The following CADPS variants were observed in gnomAD, a reference collection of about 807,000 sequenced individuals.
CADPS encodes the protein calcium-dependent secretion activator 1.
CADPS carries 57 observed loss-of-function variants against 167.3 expected under a neutral mutation model. That is an observed-to-expected ratio of 0.34 (90% confidence interval 0.28 to 0.42). The LOEUF is 0.42. Ranked by LOEUF, CADPS falls within the 20% of genes least tolerant of loss-of-function variation. CADPS has a pLI of 1.00. For synonymous variants in CADPS, 676 were observed against 635.3 expected (o/e 1.06, Z -0.96); for missense variants, 1,414 against 1,738.1 (o/e 0.81, Z 3.32).
At chr3:62,819,671 C>G (rs1436311764) in intron 1 of CADPS, among the ~76,000 whole-genome samples, 1 of 152,056 alleles carries the variant, frequency 6.6e-6, no homozygotes, top group Non-Finnish European at 1.5e-5. Context: ...GACTATGTAA[C>G]TAAGGTCAGT....
At chr3:62,772,160 A>G (rs1487637610) in intron 1 of CADPS, among the ~76,000 whole-genome samples, 1 of 152,164 alleles carries the variant, frequency 6.6e-6, no homozygotes, top group Non-Finnish European at 1.5e-5. Flanking sequence ...AAAACAATAC[A>G]GGAAGTATTA....
Position 62,518,215 on chromosome 3 carries a change from T to C in CADPS, c.2327A>G (p.Lys776Arg), listed in dbSNP as rs770603309. The C allele has an allele frequency of 1.2e-6, 2 of 1,612,836 alleles. No homozygotes were observed. The highest frequency in any genetic ancestry group is 1.7e-6 in the Non-Finnish European group (2 of 1,179,462). ...CTCTTTGATTTCTTCAAAACGTTCCTTTTCTTCAACAGTCACAGTTCCAAT... is the reference window on the plus strand; with the variant it reads ...CTCTTTGATTTCTTCAAAACGTTCCCTTTCTTCAACAGTCACAGTTCCAAT... ...DGIGTVTVEE[K>R]ERFEEIKERL... Residue 776 changes from lysine (K) to arginine (R), a missense_variant, in exon 14 of 30, where the codon AAG becomes AGG. Coordinates refer to ENST00000383710, the MANE Select transcript of CADPS (RefSeq NM_003716.4).
chr3:62,474,170 T>TTTTTTTTTTTTTTTTTA lies in CADPS; in HGVS notation c.3477+2_3477+3insTAAAAAAAAAAAAAAAA. Reference sequence around the variant, plus strand: ...AAATCTGTATTTTTTTTTTTTTTTTTACCTCTTGGCCCATTTCCATGCTGC... The same window carrying TTTTTTTTTTTTTTTTTA: ...AAATCTGTATTTTTTTTTTTTTTTTTTTTTTTTTTTTTTTTTAACCTCTTGGCCCATTTCCATGCTGC... On this transcript the variant is annotated splice_region_variant and intron_variant, in intron 24 of 29. Transcript: ENST00000383710. The TTTTTTTTTTTTTTTTTA allele has an allele frequency of 3.0e-5, 44 of 1,475,340 alleles. No homozygotes were observed. The highest frequency in any genetic ancestry group is 3.5e-5 in the Non-Finnish European group (39 of 1,105,838). The allele number at this position is 1,475,340 out of a possible 1,614,324, so 91.4% of individuals were successfully genotyped here.
intron 17 of CADPS, among the ~76,000 whole-genome samples, chr3:62,504,168 T>G (rs979098755): frequency 5.9e-5 from 9 of 152,124 alleles, no homozygotes; most frequent in African/African-American, 1.9e-4. Context: ...ACAAAAAAAT[T>G]AACAGTTTCC....
In CADPS at chr3:62,601,769, G is replaced by C. The variant is rs561043344; in HGVS notation, c.1326-9021C>G. ...CAGATGATTCATATTTAGGGGGATG[G>C]GGATGACTTTTAAAGTCACAGCACA... On this transcript the variant is annotated intron_variant, in intron 6 of 29. Transcript: ENST00000383710. The surrounding 1 kb of genome is among the most constrained non-coding windows in gnomAD (Gnocchi z 4.3). Among the ~76,000 whole-genome samples the C allele has an allele frequency of 1.3e-5, 2 of 152,228 alleles. No homozygotes were observed. Among genetic ancestry groups the C allele is most frequent in the South Asian group, 2.1e-4 (1 of 4,822 alleles).
rs11914889 is a variant in CADPS at position 62,750,915 on chromosome 3, C to A, written c.888+2526G>T. 1.4e-3 allele frequency among the ~76,000 whole-genome samples: 217 copies of A among 152,302 alleles called. 1 individual carries two copies. The highest frequency in any genetic ancestry group is 5.0e-3 in the African/African-American group (207 of 41,564). On this transcript the variant is annotated intron_variant, in intron 3 of 29. Transcript: ENST00000383710. Reference sequence around the variant, plus strand: ...TAATCCTATACTGCTGGGAATTAAGCATGCTTCCATTTTTTCACTATCATA... The same window carrying A: ...TAATCCTATACTGCTGGGAATTAAGAATGCTTCCATTTTTTCACTATCATA...
intron 6 of CADPS, among the ~76,000 whole-genome samples, chr3:62,619,951 T>C (rs1578955123): frequency 6.6e-6 from 1 of 152,268 alleles, no homozygotes; most frequent in East Asian, 1.9e-4. Flanking sequence ...GAGGTGACGA[T>C]TATGGATTAT....
intron 1 of CADPS, among the ~76,000 whole-genome samples, chr3:62,869,186 T>C (rs895041101): frequency 2.0e-5 from 3 of 152,124 alleles, no homozygotes; most frequent in Admixed American, 6.5e-5. Flanking sequence ...AGATATTATG[T>C]TTTTGGATTA....
intron 1 of CADPS, among the ~76,000 whole-genome samples, chr3:62,794,967 G>A (rs772619134): frequency 6.6e-5 from 10 of 151,960 alleles, no homozygotes; most frequent in Admixed American, 6.6e-4. Flanking sequence ...TTGCCAGAGC[G>A]CTATGGGTTC....
chr3:62,401,991 T>C (rs1330531421), intron 29 of CADPS, among the ~76,000 whole-genome samples: 3 of 152,156 alleles, frequency 2.0e-5, no homozygotes, highest in African/African-American at 7.2e-5. Context: ...GAGCTGGTCC[T>C]AAGGAACTGA....
At chr3:62,563,340 C>T (rs759825933) in intron 9 of CADPS, among the ~76,000 whole-genome samples, 6 of 151,910 alleles carry the variant, frequency 3.9e-5, no homozygotes, top group Non-Finnish European at 4.4e-5. Context: ...TATTGTATTC[C>T]CAGGTGACTA....
At chr3:62,494,285 G>T (rs2064251879) in intron 18 of CADPS, among the ~76,000 whole-genome samples, 1 of 152,154 alleles carries the variant, frequency 6.6e-6, no homozygotes, top group South Asian at 2.1e-4. Flanking sequence ...AGTAGATAGA[G>T]AAACCCTCCA....
At chr3:62,587,107 A>G (rs1298139451) in intron 7 of CADPS, among the ~76,000 whole-genome samples, 1 of 152,226 alleles carries the variant, frequency 6.6e-6, no homozygotes, top group Non-Finnish European at 1.5e-5. Context: ...AGTGTTTGCC[A>G]GTAGGTCAGG....
At position 62,438,585 on chromosome 3, in the gene CADPS, C is replaced by T. The variant is rs1296908682; in HGVS notation, c.3670-374G>A. On this transcript the variant is annotated intron_variant, in intron 27 of 29. Transcript: ENST00000383710. The surrounding 1 kb of genome is among the most constrained non-coding windows in gnomAD (Gnocchi z 4.7). ...AAAGAATATCCAAACATACTGTTTT[C>T]CACTGTCCTTAATATATTATCAGAC... 1 of 198,134 alleles carries T rather than the reference C, an allele frequency of 5.0e-6. No individual in the cohort carries two copies. The allele number at this position is 198,134 out of a possible 1,614,324, so 12.3% of individuals were successfully genotyped here.
intron 1 of CADPS, chr3:62,779,657 C>A: frequency 1.9e-6 from 1 of 526,238 alleles, no homozygotes; most frequent in Non-Finnish European, 3.9e-6. Flanking sequence ...GTCTCCTTAC[C>A]TGAGTGCAAG....
intron 24 of CADPS, among the ~76,000 whole-genome samples, chr3:62,471,323 T>C (rs6774341): frequency 0.012 from 1,842 of 152,278 alleles, 31 homozygotes; most frequent in African/African-American, 0.041. Context: ...AAAGTCAACT[T>C]GGTCTTTCTC....
intron 3 of CADPS, among the ~76,000 whole-genome samples, chr3:62,715,669 T>C (rs1198850558): frequency 6.6e-6 from 1 of 151,412 alleles, no homozygotes; most frequent in Non-Finnish European, 1.5e-5. Context: ...ACTATGCTAA[T>C]TCACGTTTAT....
chr3:62,620,696 C>G (rs2063042885), intron 6 of CADPS, among the ~76,000 whole-genome samples: 2 of 152,260 alleles, frequency 1.3e-5, no homozygotes, highest in South Asian at 4.1e-4. Flanking sequence ...AAAACCTGTG[C>G]TAGTATAGCT....
chr3:62,599,748 C>CATTATAATA (rs2059542281), intron 6 of CADPS, among the ~76,000 whole-genome samples: 13 of 17,372 alleles, frequency 7.5e-4, no homozygotes, highest in Non-Finnish European at 9.9e-4. Flanking sequence ...TATATATAAT[C>CATTATAATA]TATTATATAT....
Sources: gnomAD v4.1 joint callset for allele counts (sites outside exome capture counted in the v4.1 genomes callset) on GRCh38, gnomAD v4.1.1 for gene constraint, Gnocchi (gnomAD v3.1) non-coding constraint, MANE v1.5 for transcripts, NCBI Gene and HGNC (gene_info 2026-07-23, HGNC 2026-07-21) for gene names.